RRM2: variants seen among roughly 807,000 people sequenced by gnomAD.
RRM2 encodes ribonucleotide reductase regulatory subunit M2.
Under a neutral mutation model 45.9 loss-of-function variants are expected in RRM2, and 6 were observed. That is an observed-to-expected ratio of 0.13 (90% CI 0.07 to 0.26). RRM2 has a LOEUF of 0.26. Among genes scored for constraint, RRM2 ranks in the 10% least tolerant of loss-of-function variants. The pLI, the probability that RRM2 is intolerant of heterozygous loss-of-function variation, is 1.00. For missense variants in RRM2, 343 were observed against 489.5 expected, an observed-to-expected ratio of 0.70 and a Z score of 2.82; for synonymous variants, 177 against 173.0, an observed-to-expected ratio of 1.02 and a Z score of -0.18.
At chr2:10,177,839 C>A (rs1663962863) in intron 3 of RRM2, among the ~76,000 whole-genome samples, 1 of 151,522 alleles carries the variant, frequency 6.6e-6, no homozygotes, top group Non-Finnish European at 1.5e-5. Flanking sequence ...CCAGGCTGGT[C>A]TCGAACTTCT....
In RRM2 at chr2:10,169,113, C is replaced by G. The variant is rs1418121833; in HGVS notation, n.482+26738C>G. ...TCAGCCTTCCAAGTAGCTGGGACTACAGGCACATGTCACCATGCCCAGCTA... is the reference window on the plus strand; with the variant it reads ...TCAGCCTTCCAAGTAGCTGGGACTAGAGGCACATGTCACCATGCCCAGCTA... On this transcript the variant is annotated intron_variant and non_coding_transcript_variant, in intron 3 of 3. Coordinates refer to the RRM2 transcript ENST00000381786. The surrounding 1 kb of genome is among the most constrained non-coding windows in gnomAD (Gnocchi z 5.1). Among the ~76,000 whole-genome samples, 1 of 151,832 alleles carries G rather than the reference C, an allele frequency of 6.6e-6. No individual in the cohort carries two copies. The highest frequency in any genetic ancestry group is 1.5e-5 in the Non-Finnish European group (1 of 68,000).
At chr2:10,168,437 T>A (rs1283271226) in intron 3 of RRM2, among the ~76,000 whole-genome samples, 1 of 152,202 alleles carries the variant, frequency 6.6e-6, no homozygotes, top group Non-Finnish European at 1.5e-5. Flanking sequence ...GCCTCCTTCC[T>A]GGGAGTGAAG....
In RRM2 at chr2:10,158,953, C is replaced by A. The variant is rs1183400369; in HGVS notation, n.482+16578C>A. ...TCCCCAGACCTTCACCTTGGAGAAC[C>A]AAGTAGTAGTGAGAACAGTGCCGCG... On this transcript the variant is annotated intron_variant and non_coding_transcript_variant, in intron 3 of 3. Transcript: ENST00000381786. Among the ~76,000 whole-genome samples, 3 of 152,182 alleles carry A rather than the reference C, an allele frequency of 2.0e-5. No homozygotes were observed. In the East Asian group the frequency reaches 5.8e-4, roughly 29 times the overall value.
chr2:10,149,636 G>A (rs1379376666), intron 3 of RRM2, among the ~76,000 whole-genome samples: 1 of 152,162 alleles, frequency 6.6e-6, no homozygotes. Flanking sequence ...TTTGGGCAAG[G>A]TAAGTTTTTC....
intron 3 of RRM2, among the ~76,000 whole-genome samples, chr2:10,144,595 T>C (rs1663151326): frequency 6.6e-6 from 1 of 152,236 alleles, no homozygotes; most frequent in Admixed American, 6.5e-5. Context: ...CAAACTGTTC[T>C]GGTGTGTAGG....
chr2:10,143,533 C>A (rs569935044), intron 3 of RRM2, among the ~76,000 whole-genome samples: 2 of 152,202 alleles, frequency 1.3e-5, no homozygotes, highest in Non-Finnish European at 2.9e-5. Context: ...AATGAATGAG[C>A]GAGTGAGTGA....
upstream of RRM2, among the ~76,000 whole-genome samples, chr2:10,140,587 A>G (rs1393428911): frequency 6.6e-6 from 1 of 152,186 alleles, no homozygotes; most frequent in African/African-American, 2.4e-5. Flanking sequence ...TGGAGTGCTA[A>G]CCAGTCACTC....
chr2:10,193,759 C>A (rs943140964), intron 3 of RRM2, among the ~76,000 whole-genome samples: 1 of 152,194 alleles, frequency 6.6e-6, no homozygotes, highest in South Asian at 2.1e-4. Context: ...TCAGGATGTC[C>A]CAGCAGAGCC....
chr2:10,186,151 G>A (rs1303365391), intron 3 of RRM2, among the ~76,000 whole-genome samples: 1 of 152,190 alleles, frequency 6.6e-6, no homozygotes, highest in Non-Finnish European at 1.5e-5. Context: ...TTAGAGCTGT[G>A]TGATTTTGGA....
downstream of RRM2, among the ~76,000 whole-genome samples, chr2:10,133,206 T>C (rs13398833): frequency 0.58 from 88,602 of 152,176 alleles, 26,447 homozygotes; most frequent in Non-Finnish European, 0.66. Flanking sequence ...AAGGCAGCCC[T>C]GCTGAGCTTC....
rs1193093595 is a variant in RRM2 at position 10,185,507 on chromosome 2, G to A, written n.483-24804G>A. On this transcript the variant is annotated intron_variant and non_coding_transcript_variant, in intron 3 of 3. Coordinates refer to the RRM2 transcript ENST00000381786. This position sits in a 1 kb window ranked among gnomAD's most constrained non-coding sequence, Gnocchi z 4.3. ...CATCAGTGTCAACAGAGGTCCATATGTGGCCAGTCTTGTCTCAGCCTTTTC... is the reference window on the plus strand; with the variant it reads ...CATCAGTGTCAACAGAGGTCCATATATGGCCAGTCTTGTCTCAGCCTTTTC... Among the ~76,000 whole-genome samples, 1 of 152,142 alleles carries A rather than the reference G, an allele frequency of 6.6e-6. No homozygotes were observed. The highest frequency in any genetic ancestry group is 2.4e-5 in the African/African-American group (1 of 41,438).
chr2:10,193,443 G>A (rs967842443), intron 3 of RRM2, among the ~76,000 whole-genome samples: 10 of 152,158 alleles, frequency 6.6e-5, no homozygotes, highest in South Asian at 6.2e-4. Flanking sequence ...GCTGGGTGCC[G>A]GGTGCCTCAG....
chr2:10,197,068 G>C (rs941831585), intron 3 of RRM2, among the ~76,000 whole-genome samples: 3 of 152,192 alleles, frequency 2.0e-5, no homozygotes, highest in African/African-American at 7.2e-5. Context: ...AGCTTGGCCC[G>C]TGCCTCTGCC....
intron 3 of RRM2, among the ~76,000 whole-genome samples, chr2:10,176,622 T>C (rs1354872305): frequency 6.9e-6 from 1 of 144,082 alleles, no homozygotes; most frequent in East Asian, 2.0e-4. Context: ...TCATTTTACA[T>C]TTTGTATCTG....
chr2:10,162,680 G>A (rs1354383076), intron 3 of RRM2, among the ~76,000 whole-genome samples: 4 of 72,832 alleles, frequency 5.5e-5, no homozygotes, highest in Non-Finnish European at 8.9e-5. Flanking sequence ...GCACCCCCCC[G>A]CCGCCCCCCA....
chr2:10,131,663 C>T (rs1449853754), downstream of RRM2, among the ~76,000 whole-genome samples: 3 of 152,116 alleles, frequency 2.0e-5, no homozygotes, highest in Non-Finnish European at 2.9e-5. Flanking sequence ...CACTTGAACC[C>T]GGGAGGCAGA....
At chr2:10,187,572 G>A (rs981609411) in intron 3 of RRM2, among the ~76,000 whole-genome samples, 1 of 152,188 alleles carries the variant, frequency 6.6e-6, no homozygotes, top group Non-Finnish European at 1.5e-5. Flanking sequence ...GGTCTGTGTG[G>A]GGGTCACTGA....
chr2:10,150,787 T>TTTTTTTTTC (rs1553324049), intron 3 of RRM2, among the ~76,000 whole-genome samples: 1 of 148,062 alleles, frequency 6.8e-6, no homozygotes, highest in Non-Finnish European at 1.5e-5. Context: ...TTTTTTTTTT[T>TTTTTTTTTC]TTTGATGTGG....
At chr2:10,167,008 G>A (rs936680296) in intron 3 of RRM2, among the ~76,000 whole-genome samples, 2 of 152,224 alleles carry the variant, frequency 1.3e-5, no homozygotes, top group African/African-American at 4.8e-5. Context: ...CAGCAGGATG[G>A]CAGATGCTTT....
Sources: allele counts gnomAD v4.1 joint callset (sites outside exome capture counted in the v4.1 genomes callset), GRCh38; gene constraint gnomAD v4.1.1; non-coding constraint Gnocchi (gnomAD v3.1); transcripts MANE v1.5; gene names NCBI Gene and HGNC (gene_info 2026-07-23, HGNC 2026-07-21).